Variants in SLC44A5 observed in about 807,000 individuals in gnomAD.
SLC44A5 encodes the protein solute carrier family 44 member 5.
SLC44A5 carries 57 observed loss-of-function variants against 101.8 expected under a neutral mutation model. That is an observed-to-expected ratio of 0.56 (90% CI 0.45 to 0.70). SLC44A5 has a LOEUF of 0.70. SLC44A5 is among the 30% of genes least tolerant of loss of function. The pLI is 0.00. For missense variants in SLC44A5, 737 were observed against 853.1 expected, an observed-to-expected ratio of 0.86 and a Z score of 1.70; for synonymous variants, 281 against 290.9, an observed-to-expected ratio of 0.97 and a Z score of 0.35.
intron 1 of SLC44A5, among the ~76,000 whole-genome samples, chr1:75,562,066 T>C (rs998210626): frequency 6.6e-6 from 1 of 152,128 alleles, no homozygotes; most frequent in African/African-American, 2.4e-5. Context: ...TGTATACTTA[T>C]GTAACAAACT....
intron 22 of SLC44A5, among the ~76,000 whole-genome samples, chr1:75,212,993 G>A (rs557616893): frequency 8.9e-4 from 136 of 152,120 alleles, no homozygotes; most frequent in African/African-American, 2.6e-3. Flanking sequence ...TTATACCCTC[G>A]TGCAGGGGTC....
the SLC44A5 span, among the ~76,000 whole-genome samples, chr1:75,680,664 G>A: frequency 1.3e-5 from 2 of 150,886 alleles, no homozygotes; most frequent in East Asian, 1.9e-4. Context: ...AAGCAGGAAA[G>A]ATCCAAAATT....
intron 4 of SLC44A5, among the ~76,000 whole-genome samples, chr1:75,318,166 C>T (rs1231494088): frequency 5.3e-5 from 8 of 152,006 alleles, no homozygotes; most frequent in Non-Finnish European, 5.9e-5. Flanking sequence ...CACTTGAGGC[C>T]ATAGTTTCAA....
chr1:75,596,828 C>A (rs184226248), intron 1 of SLC44A5, among the ~76,000 whole-genome samples: 1 of 152,190 alleles, frequency 6.6e-6, no homozygotes. Context: ...ATACAACAAA[C>A]CCACAGTCAG....
chr1:75,274,346 GTTTA>G (rs1651744104), intron 6 of SLC44A5, among the ~76,000 whole-genome samples: 2 of 151,996 alleles, frequency 1.3e-5, no homozygotes, highest in African/African-American at 4.8e-5. Context: ...TGTGTGTGTG[GTTTA>G]TTTTCTTAGA....
intron 4 of SLC44A5, among the ~76,000 whole-genome samples, chr1:75,324,633 G>A (rs958844380): frequency 6.6e-6 from 1 of 152,138 alleles, no homozygotes; most frequent in Non-Finnish European, 1.5e-5. Context: ...ACACATTTAT[G>A]GGCAATTGCT....
chr1:75,649,394 T>C, the SLC44A5 span, among the ~76,000 whole-genome samples: 10 of 152,164 alleles, frequency 6.6e-5, no homozygotes, highest in African/African-American at 2.4e-4. Context: ...TGGACAGTGA[T>C]ACAAGTCATG....
chr1:75,347,108 G>A (rs1658305213), intron 3 of SLC44A5, among the ~76,000 whole-genome samples: 1 of 152,094 alleles, frequency 6.6e-6, no homozygotes, highest in Non-Finnish European at 1.5e-5. Context: ...TTATAGCCAA[G>A]TAAAAGACTT....
chr1:75,499,218 A>G (rs919541099), intron 2 of SLC44A5, among the ~76,000 whole-genome samples: 1 of 152,160 alleles, frequency 6.6e-6, no homozygotes, highest in African/African-American at 2.4e-5. Context: ...TGTGGAAGAC[A>G]ATTTTTCCAT....
At chr1:75,234,324 G>A (rs1647874021) in intron 11 of SLC44A5, among the ~76,000 whole-genome samples, 1 of 152,068 alleles carries the variant, frequency 6.6e-6, no homozygotes, top group African/African-American at 2.4e-5. Flanking sequence ...TCATCTTCAT[G>A]TACCTGGGTA....
chr1:75,552,494 T>C (rs1208862107), intron 1 of SLC44A5, among the ~76,000 whole-genome samples: 1 of 152,000 alleles, frequency 6.6e-6, no homozygotes, highest in Non-Finnish European at 1.5e-5. Context: ...TAGGCTGAAA[T>C]TTGAAAACAG....
chr1:75,349,976 A>G lies in SLC44A5; in HGVS notation c.53-10346T>C, dbSNP rs150709052. Among the ~76,000 whole-genome samples, 17 of 152,240 alleles carry G rather than the reference A, an allele frequency of 1.1e-4. No homozygotes were observed. The East Asian group carries it at 3.3e-3, about 29-fold the overall frequency. ...CAGGTAAGAAAGAAAAGGAAAATAA[A>G]CATAGACCAGTCTGGGAAATAAGAA... On this transcript the variant is annotated intron_variant, in intron 3 of 23. Coordinates refer to ENST00000370859, the MANE Select transcript of SLC44A5 (RefSeq NM_001130058.2).
chr1:75,269,295 C>A (rs1383467849), intron 6 of SLC44A5, among the ~76,000 whole-genome samples: 1 of 151,772 alleles, frequency 6.6e-6, no homozygotes, highest in Non-Finnish European at 1.5e-5. Flanking sequence ...TGAAGAACAG[C>A]TCATATAAAA....
intron 2 of SLC44A5, among the ~76,000 whole-genome samples, chr1:75,404,636 C>G (rs947621442): frequency 2.0e-5 from 3 of 152,154 alleles, no homozygotes; most frequent in African/African-American, 7.2e-5. Flanking sequence ...CCTTTACAGA[C>G]AAGCAAATGC....
At chr1:75,412,426 T>C (rs1249798) in intron 2 of SLC44A5, among the ~76,000 whole-genome samples, 152,222 of 152,264 alleles carry the variant, frequency 1, 76,090 homozygotes, top group Middle Eastern at 1. Context: ...TGCATTGAGC[T>C]TAGATCGAAC....
At chr1:75,286,715 C>G in intron 5 of SLC44A5, among the ~76,000 whole-genome samples, 1 of 151,122 alleles carries the variant, frequency 6.6e-6, no homozygotes, top group East Asian at 1.9e-4. Flanking sequence ...AAGCTTGTAT[C>G]TTTTTTTTTC....
At chr1:75,683,855 GA>G in the SLC44A5 span, among the ~76,000 whole-genome samples, 1 of 151,956 alleles carries the variant, frequency 6.6e-6, no homozygotes. Flanking sequence ...TGTATAGATT[GA>G]AAATAAAGGG....
intron 12 of SLC44A5, 60 bp from the exon 13 acceptor site, chr1:75,227,917 A>G: frequency 1.5e-6 from 2 of 1,376,742 alleles, no homozygotes; most frequent in Non-Finnish European, 9.9e-7. Flanking sequence ...TAGGAGCTAT[A>G]TGTGCTCATC....
At chr1:75,266,947 C>A (rs648239) in intron 6 of SLC44A5, among the ~76,000 whole-genome samples, 149,391 of 152,338 alleles carry the variant, frequency 0.98, 73,272 homozygotes, top group Middle Eastern at 1. Flanking sequence ...GGTGACGGTG[C>A]GTGCGGCTGC....
Sources: allele counts gnomAD v4.1 joint callset (sites outside exome capture counted in the v4.1 genomes callset), GRCh38; gene constraint gnomAD v4.1.1; transcripts MANE v1.5; gene names NCBI Gene and HGNC (gene_info 2026-07-23, HGNC 2026-07-21).